Variants in SDK1 observed in about 807,000 individuals in gnomAD.
SDK1 encodes the protein sidekick cell adhesion molecule 1, also known as protein sidekick-1.
SDK1 carries 157 observed loss-of-function variants against 245.5 expected under a neutral mutation model. The observed-to-expected ratio is 0.64, with a 90% CI of 0.56 to 0.73. The LOEUF (loss-of-function observed/expected upper bound fraction) is 0.73. SDK1 is among the 30% of genes least tolerant of loss of function. The probability of loss-of-function intolerance (pLI) is 0.00; values close to 1 mark genes in which losing one functional copy is unlikely to be tolerated. For synonymous variants in SDK1, 1,647 were observed against 1,278.5 expected (o/e 1.29, Z -6.15); for missense variants, 3,583 against 3,002.3 (o/e 1.19, Z -4.52).
intron 1 of SDK1, among the ~76,000 whole-genome samples, chr7:3,532,629 A>G (rs1014906203): frequency 6.6e-6 from 1 of 152,172 alleles, no homozygotes; most frequent in Non-Finnish European, 1.5e-5. Context: ...ACTCCAGGTC[A>G]TTATTAGGAA....
Position 3,866,163 on chromosome 7 carries a change from A to G in SDK1, c.847+44580A>G, listed in dbSNP as rs76437411. On this transcript the variant is annotated intron_variant, in intron 5 of 44. Coordinates refer to ENST00000404826, the MANE Select transcript of SDK1 (RefSeq NM_152744.4). ...CTTGGGAGGCTGAATTCTCTCATTC[A>G]CAACCACCATATTGAGCCTTACTTT... Among the ~76,000 whole-genome samples the G allele has an allele frequency of 8.0e-3, 1,223 of 152,346 alleles. 16 individuals carry two copies. Among genetic ancestry groups the G allele is most frequent in the South Asian group, 0.028 (136 of 4,830 alleles).
rs146376427 is a variant in SDK1 at position 4,124,536 on chromosome 7, G to T, written c.3824-2845G>T. ...CTGGATCAGGGGCCCACCCTATGCAGTATGACCGCATCTTAACGAGTTACA... is the reference window on the plus strand; with the variant it reads ...CTGGATCAGGGGCCCACCCTATGCATTATGACCGCATCTTAACGAGTTACA... On this transcript the variant is annotated intron_variant, in intron 25 of 44. Transcript: ENST00000404826. 2.5e-3 allele frequency among the ~76,000 whole-genome samples: 382 copies of T among 152,284 alleles called. 1 individual carries two copies. The highest frequency in any genetic ancestry group is 8.7e-3 in the African/African-American group (362 of 41,548).
chr7:4,267,873 G>A lies in SDK1; in HGVS notation c.*2489G>A. 1 of 985,540 alleles carries A rather than the reference G, an allele frequency of 1.0e-6. No individual in the cohort carries two copies. The highest frequency in any genetic ancestry group is 1.2e-6 in the Non-Finnish European group (1 of 830,040). 61.0% of individuals were successfully genotyped at this position (985,540 alleles called of 1,614,324 possible). A position where few individuals can be genotyped will look rare whatever the true frequency, so the allele number is the denominator to read the frequency against. On this transcript the variant is annotated 3_prime_UTR_variant, in exon 45 of 45. Transcript: ENST00000404826. ...CTTAGGACAGCGCCCATGCCTCGGA[G>A]GGACTCTGTCCCATGAGAACCACCT...
chr7:3,306,546 C>G (rs1029522863), intron 1 of SDK1, among the ~76,000 whole-genome samples: 1 of 152,184 alleles, frequency 6.6e-6, no homozygotes, highest in Non-Finnish European at 1.5e-5. Context: ...CCTTAGCACA[C>G]ATTTTATGTA....
intron 35 of SDK1, among the ~76,000 whole-genome samples, chr7:4,196,039 A>G (rs1783557963): frequency 6.6e-6 from 1 of 152,178 alleles, no homozygotes; most frequent in South Asian, 2.1e-4. Flanking sequence ...CTCAAAGCTT[A>G]CCACCCTTCA....
chr7:3,349,472 C>A (rs1780599348), intron 1 of SDK1, among the ~76,000 whole-genome samples: 1 of 152,138 alleles, frequency 6.6e-6, no homozygotes, highest in Non-Finnish European at 1.5e-5. Flanking sequence ...AACACAGTGT[C>A]CATGAAGGAG....
chr7:3,974,390 C>T lies in SDK1; in HGVS notation c.1839C>T (p.Asn613=), dbSNP rs6977582. The T allele has an allele frequency of 0.026, 41,560 of 1,613,284 alleles. 8,601 individuals are homozygous for T. In the African/African-American group the frequency reaches 0.47, roughly 18 times the overall value. Residue 613 remains asparagine (N), a synonymous_variant, in exon 13 of 45, where the codon AAC becomes AAT. Coordinates refer to ENST00000404826, the MANE Select transcript of SDK1 (RefSeq NM_152744.4). ...ACAGCTACGTTTGGAAGAAGGACAA[C>T]GTGGCCCTGACTCCATCGAGCACGT... The part of the protein sequence containing the change: ...VSLRYVWKKD[N]VALTPSSTSR...
chr7:3,986,839 G>A (rs193205367), intron 13 of SDK1, among the ~76,000 whole-genome samples: 5 of 152,302 alleles, frequency 3.3e-5, no homozygotes, highest in South Asian at 2.1e-4. Context: ...CAGGCTGGGC[G>A]ACAGAGCGAG....
At chr7:3,661,015 T>G (rs989054209) in intron 4 of SDK1, among the ~76,000 whole-genome samples, 2 of 152,170 alleles carry the variant, frequency 1.3e-5, no homozygotes, top group African/African-American at 4.8e-5. Flanking sequence ...TATTTAGAAA[T>G]TACTTATGTG....
intron 35 of SDK1, among the ~76,000 whole-genome samples, chr7:4,182,027 C>T (rs1023650486): frequency 2.0e-5 from 3 of 152,188 alleles, no homozygotes; most frequent in African/African-American, 7.2e-5. Context: ...TCAAGCAATT[C>T]TCCTGCCTCA....
chr7:4,096,130 A>C (rs1056728916), intron 22 of SDK1, among the ~76,000 whole-genome samples: 2 of 152,188 alleles, frequency 1.3e-5, no homozygotes, highest in African/African-American at 4.8e-5. Context: ...TCAAAAGTCC[A>C]CAGTGTTTAT....
At chr7:3,333,943 C>T (rs543144985) in intron 1 of SDK1, among the ~76,000 whole-genome samples, 1 of 152,200 alleles carries the variant, frequency 6.6e-6, no homozygotes, top group African/African-American at 2.4e-5. Flanking sequence ...TTGGCTGTTG[C>T]TGCTCCACTG....
At chr7:4,154,025 T>C (rs938592616) in intron 30 of SDK1, among the ~76,000 whole-genome samples, 1 of 152,138 alleles carries the variant, frequency 6.6e-6, no homozygotes, top group Non-Finnish European at 1.5e-5. Context: ...TCCAGATAAG[T>C]AAATAAAGAC....
At chr7:4,194,746 G>A (rs1335370345) in intron 35 of SDK1, among the ~76,000 whole-genome samples, 1 of 152,112 alleles carries the variant, frequency 6.6e-6, no homozygotes, top group African/African-American at 2.4e-5. Flanking sequence ...ACCACATTAA[G>A]GGTGGGTCTG....
chr7:3,592,133 G>A (rs947652510), intron 1 of SDK1, among the ~76,000 whole-genome samples: 1 of 152,210 alleles, frequency 6.6e-6, no homozygotes, highest in Non-Finnish European at 1.5e-5. Flanking sequence ...CCTGTGGAGT[G>A]AGGAATTTCT....
intron 1 of SDK1, among the ~76,000 whole-genome samples, chr7:3,377,526 G>A (rs1477286645): frequency 6.6e-6 from 1 of 152,070 alleles, no homozygotes; most frequent in Non-Finnish European, 1.5e-5. Flanking sequence ...TTGGTCAGGA[G>A]GTGCAGCAGT....
At chr7:3,569,642 C>G (rs1293123181) in intron 1 of SDK1, among the ~76,000 whole-genome samples, 1 of 152,208 alleles carries the variant, frequency 6.6e-6, no homozygotes, top group African/African-American at 2.4e-5. Context: ...TACAGAAGTG[C>G]TCACAAGAGC....
intron 43 of SDK1, among the ~76,000 whole-genome samples, chr7:4,242,166 A>G (rs763317131): frequency 1.3e-5 from 2 of 152,158 alleles, no homozygotes; most frequent in Non-Finnish European, 2.9e-5. Context: ...GTGTGTGGGA[A>G]GGGCCTGGAA....
In SDK1 at chr7:3,669,386, C is replaced by T. The variant is rs141886169; in HGVS notation, c.713+27281C>T. 1.1e-4 allele frequency among the ~76,000 whole-genome samples: 17 copies of T among 152,280 alleles called. 1 individual carries two copies. In the East Asian group the frequency reaches 3.3e-3, roughly 29 times the overall value. The stretch of plus-strand genomic sequence containing the variant: ...TTACAGCACCTTCTTACCCCCTTTT[C>T]ATTGAACTCTTGAAGATCTACTTCT... On this transcript the variant is annotated intron_variant, in intron 4 of 44. Coordinates refer to ENST00000404826, the MANE Select transcript of SDK1 (RefSeq NM_152744.4).
Sources: allele counts gnomAD v4.1 joint callset (sites outside exome capture counted in the v4.1 genomes callset), GRCh38; gene constraint gnomAD v4.1.1; transcripts MANE v1.5; gene names NCBI Gene and HGNC (gene_info 2026-07-23, HGNC 2026-07-21).